SLITRK2: variants seen among roughly 807,000 people sequenced by gnomAD.
SLITRK2 encodes SLIT and NTRK like family member 2.
SLITRK2 carries 13 observed loss-of-function variants against 35.4 expected under a neutral mutation model. The observed-to-expected ratio is 0.37, with a 90% CI of 0.24 to 0.58. The LOEUF is 0.58. SLITRK2 is among the 20% of genes least tolerant of loss of function. The pLI, the probability that SLITRK2 is intolerant of heterozygous loss-of-function variation, is 0.75. For synonymous variants in SLITRK2, 294 were observed against 264.7 expected, an observed-to-expected ratio of 1.11 and a Z score of -1.07; for missense variants, 471 against 634.3, an observed-to-expected ratio of 0.74 and a Z score of 2.76.
Position 145,829,370 on chromosome X carries a change from C to T in SLITRK2, c.*4407C>T, listed in dbSNP as rs1330401520. 1 of 123,473 alleles carries T rather than the reference C, an allele frequency of 8.1e-6. No homozygotes were observed. The highest frequency in any genetic ancestry group is 1.9e-5 in the Non-Finnish European group (1 of 53,388). The allele number at this position is 123,473 out of a possible 1,213,427, so 10.2% of individuals were successfully genotyped here. A position where few individuals can be genotyped will look rare whatever the true frequency, so the allele number is the denominator to read the frequency against. The stretch of plus-strand genomic sequence containing the variant: ...TCGACTTTGCTTAAAACAGAGCCCA[C>T]CTGCATAGTAACTGTGTTTTGCCAA... On this transcript the variant is annotated 3_prime_UTR_variant, in exon 5 of 5. Transcript: ENST00000335565.
Position 145,822,546 on chromosome X carries a change from G to C in SLITRK2, c.121G>C (p.Val41Leu), listed in dbSNP as rs2073040792. The C allele has an allele frequency of 8.3e-7, 1 of 1,211,674 alleles. No individual in the cohort carries two copies. Among genetic ancestry groups the C allele is most frequent in the East Asian group, 3.0e-5 (1 of 33,811 alleles). Residue 41 changes from valine (V) to leucine (L), a missense_variant, in exon 5 of 5, where the codon GTA (valine) becomes CTA (leucine). Transcript: ENST00000335565. ...IRCLCEEKENVLNINCENKGF... is the reference protein window; with the variant it reads ...IRCLCEEKENLLNINCENKGF... ...CTGTCTGTGCGAAGAAAAGGAAAAC[G>C]TACTGAATATCAACTGTGAGAACAA...
At position 145,822,137 on chromosome X, in the gene SLITRK2, A is replaced by AC. The variant is rs1488507370; in HGVS notation, c.-54dup. The AC allele has an allele frequency of 4.7e-5, 14 of 295,782 alleles. No individual in the cohort carries two copies. Among genetic ancestry groups the AC allele is most frequent in the Middle Eastern group, 9.3e-4 (1 of 1,080 alleles). 24.4% of individuals were successfully genotyped at this position (295,782 alleles called of 1,213,427 possible). ...ACTAATGACTTGGCGGCTGGCTGCG[A>AC]CCCCCCGGGAAATCAGGTGCAAGCA... On this transcript the variant is annotated 5_prime_UTR_variant, in exon 4 of 5. The change creates a premature stop within an existing upstream ORF in the 5' untranslated region. Transcript: ENST00000335565.
Position 145,825,121 on chromosome X carries a change from T to C in SLITRK2, c.*158T>C. 1 of 534,538 alleles carries C rather than the reference T, an allele frequency of 1.9e-6. No individual in the cohort carries two copies. The highest frequency in any genetic ancestry group is 2.5e-5 in the African/African-American group (1 of 40,718). The allele number at this position is 534,538 out of a possible 1,213,427, so 44.1% of individuals were successfully genotyped here. A position where few individuals can be genotyped will look rare whatever the true frequency, so the allele number is the denominator to read the frequency against. ...AGATAGGATGAAGTCATGATTTTGC[T>C]TTTGCAAGTTTTCCTTTAAATTATT... is the stretch of plus-strand genomic sequence containing the variant. On this transcript the variant is annotated 3_prime_UTR_variant, in exon 5 of 5. Coordinates refer to ENST00000335565, the MANE Select transcript of SLITRK2 (RefSeq NM_032539.5).
Position 145,827,938 on chromosome X carries a change from A to C in SLITRK2, c.*2975A>C, listed in dbSNP as rs1238388225. The C allele has an allele frequency of 2.5e-6, 3 of 1,209,672 alleles. No homozygotes were observed. The highest frequency in any genetic ancestry group is 3.4e-6 in the Non-Finnish European group (3 of 895,141). ...AGACGTATGAGCATCAGCACAGCAA[A>C]ATGGTTCCAGCCTACAGAATGCAGT... is the stretch of plus-strand genomic sequence containing the variant. On this transcript the variant is annotated 3_prime_UTR_variant, in exon 5 of 5. Transcript: ENST00000335565.
intron 1 of SLITRK2, chrX:145,818,272 G>T (rs2124117990): frequency 8.8e-6 from 1 of 113,076 alleles, no homozygotes; most frequent in East Asian, 2.9e-4. Context: ...GGGTGGCACA[G>T]GCGGCCAGGG....
Position 145,823,961 on chromosome X carries a change from A to G in SLITRK2, c.1536A>G (p.Lys512=), listed in dbSNP as rs1048715156. 8 of 1,211,514 alleles carry G rather than the reference A, an allele frequency of 6.6e-6. No homozygotes were observed. The Admixed American group carries it at 1.1e-4, about 16-fold the overall frequency. The change falls in exon 5 of 5, where the codon AAA becomes AAG. Residue 512 remains lysine (K), a synonymous_variant. Coordinates refer to ENST00000335565, the MANE Select transcript of SLITRK2 (RefSeq NM_032539.5). The part of the protein sequence containing the change: ...RNNHFSHLPV[K]GVLDQLPAFI... ...ACCATTTTTCTCACCTGCCCGTGAA[A>G]GGGGTTCTGGATCAGCTCCCGGCTT... is the stretch of plus-strand genomic sequence containing the variant.
rs1440494605 is a variant in SLITRK2, at chrX:145,825,511, G to C, written c.*548G>C. 1 of 123,129 alleles carries C rather than the reference G, an allele frequency of 8.1e-6. No individual in the cohort carries two copies. Among genetic ancestry groups the C allele is most frequent in the Non-Finnish European group, 1.9e-5 (1 of 53,277 alleles). The allele number at this position is 123,129 out of a possible 1,213,427, so 10.1% of individuals were successfully genotyped here. A position where few individuals can be genotyped will look rare whatever the true frequency, so the allele number is the denominator to read the frequency against. ...CACTACTTTGTGTTAAAGTGCCTTC[G>C]CACTTTAAGTACATTACTTAAATGT... On this transcript the variant is annotated 3_prime_UTR_variant, in exon 5 of 5. Transcript: ENST00000335565.
At chrX:145,822,328 G>T in intron 4 of SLITRK2, 55 bp from the exon 5 acceptor site, 1 of 732,368 alleles carries the variant, frequency 1.4e-6, no homozygotes, top group South Asian at 2.8e-5. Flanking sequence ...TTTTAATCGG[G>T]CTTCCTTGTT....
rs1202960671 is a variant in SLITRK2, at chrX:145,823,811, T to C, written c.1386T>C (p.Ile462=). 2 of 1,210,157 alleles carry C rather than the reference T, an allele frequency of 1.7e-6. No homozygotes were observed. Among genetic ancestry groups the C allele is most frequent in the Non-Finnish European group, 2.2e-6 (2 of 894,565 alleles). The change falls in exon 5 of 5, where the codon ATT becomes ATC. Residue 462 remains isoleucine, a synonymous_variant. Coordinates refer to ENST00000335565, the MANE Select transcript of SLITRK2 (RefSeq NM_032539.5). ...TAGAGTATAATGTCATTAAGGAAAT[T>C]AAGCCTCTGACCTTTGATGCTTTGA... ...LYLEYNVIKE[I]KPLTFDALIN...
At chrX:145,818,196 C>T (rs1172160425) in intron 1 of SLITRK2, 170 bp downstream of exon 1, 1 of 111,652 alleles carries the variant, frequency 9.0e-6, no homozygotes, top group Non-Finnish European at 1.9e-5. Flanking sequence ...CCTCAATCCC[C>T]ACTGGAGATT....
chrX:145,829,813 T>C lies in SLITRK2; in HGVS notation c.*4850T>C, dbSNP rs1556946452. ...AAATGTCAAATGAAACAAGCTCTTGTGTAAATAGACTTCTGTGCCTAATAG... is the reference window on the plus strand; with the variant it reads ...AAATGTCAAATGAAACAAGCTCTTGCGTAAATAGACTTCTGTGCCTAATAG... On this transcript the variant is annotated 3_prime_UTR_variant, in exon 5 of 5. Transcript: ENST00000335565. The C allele has an allele frequency of 8.1e-6, 1 of 123,853 alleles. No individual in the cohort carries two copies. The allele number at this position is 123,853 out of a possible 1,213,427, so 10.2% of individuals were successfully genotyped here.
Position 145,828,066 on chromosome X carries a change from C to G in SLITRK2, c.*3103C>G, listed in dbSNP as rs2073142739. Reference sequence around the variant, plus strand: ...TCTTAATTAGTTGCTTTCACTATTTCCGAATATACCTGTGGCTAAGTTTTT... The same window carrying G: ...TCTTAATTAGTTGCTTTCACTATTTGCGAATATACCTGTGGCTAAGTTTTT... On this transcript the variant is annotated 3_prime_UTR_variant, in exon 5 of 5. Transcript: ENST00000335565. 6.9e-6 allele frequency: 7 copies of G among 1,016,314 alleles called. No individual in the cohort carries two copies. The Admixed American group carries it at 2.5e-4, about 36-fold the overall frequency. The allele number at this position is 1,016,314 out of a possible 1,213,427, so 83.8% of individuals were successfully genotyped here. A position where few individuals can be genotyped will look rare whatever the true frequency, so the allele number is the denominator to read the frequency against.
At position 145,826,190 on chromosome X, in the gene SLITRK2, A is replaced by C. The variant is rs1300922017; in HGVS notation, c.*1227A>C. The C allele has an allele frequency of 9.0e-6, 1 of 111,559 alleles. No individual in the cohort carries two copies. The highest frequency in any genetic ancestry group is 2.8e-4 in the East Asian group (1 of 3,522). 9.2% of individuals were successfully genotyped at this position (111,559 alleles called of 1,213,427 possible). A position where few individuals can be genotyped will look rare whatever the true frequency, so the allele number is the denominator to read the frequency against. ...CCCAAGTAAGTTCTCTGCAAAATTC[A>C]AGGTAGCAGAGATAAAAATGTATCC... is the stretch of plus-strand genomic sequence containing the variant. On this transcript the variant is annotated 3_prime_UTR_variant, in exon 5 of 5. Coordinates refer to ENST00000335565, the MANE Select transcript of SLITRK2 (RefSeq NM_032539.5).
rs782684641 is a variant in SLITRK2 at position 145,824,228 on chromosome X, G to A, written c.1803G>A (p.Ser601=). The change falls in exon 5 of 5, where the codon TCG becomes TCA. Residue 601 remains serine (S), a synonymous_variant. Transcript: ENST00000335565. ...ATCACAATACAGACACACCTCGGTC[G>A]CTTAGTGTGTCTCCTAGTTCCTATC... is the stretch of plus-strand genomic sequence containing the variant. ...SMNHNTDTPR[S]LSVSPSSYPE... The A allele has an allele frequency of 1.6e-5, 19 of 1,210,980 alleles. No individual in the cohort carries two copies. Among genetic ancestry groups the A allele is most frequent in the South Asian group, 1.2e-4 (7 of 56,881 alleles).
chrX:145,829,719 T>C lies in SLITRK2; in HGVS notation c.*4756T>C, dbSNP rs2073156961. The C allele has an allele frequency of 8.1e-6, 1 of 123,925 alleles. No homozygotes were observed. The highest frequency in any genetic ancestry group is 9.4e-5 in the Admixed American group (1 of 10,614). 10.2% of individuals were successfully genotyped at this position (123,925 alleles called of 1,213,427 possible). A position where few individuals can be genotyped will look rare whatever the true frequency, so the allele number is the denominator to read the frequency against. On this transcript the variant is annotated 3_prime_UTR_variant, in exon 5 of 5. Transcript: ENST00000335565. ...ATGTTGAAATTTTTTAGCAGTACTTTAGCTTGAAAGTACTCGTACAAATAC... is the reference window on the plus strand; with the variant it reads ...ATGTTGAAATTTTTTAGCAGTACTTCAGCTTGAAAGTACTCGTACAAATAC...
rs1603142046 is a variant in SLITRK2, at chrX:145,824,648, G to A, written c.2223G>A (p.Glu741=). The A allele has an allele frequency of 8.3e-7, 1 of 1,209,405 alleles. No individual in the cohort carries two copies. The highest frequency in any genetic ancestry group is 2.3e-4 in the Middle Eastern group (1 of 4,352). ...CTGCTTACACAATAAGTGCCACTGAGCTGCTAGAAAAGCAGGCCACACCAA... is the reference window on the plus strand; with the variant it reads ...CTGCTTACACAATAAGTGCCACTGAACTGCTAGAAAAGCAGGCCACACCAA... ...ATPAYTISAT[E]LLEKQATPRE... Residue 741 remains glutamate (E), a synonymous_variant, in exon 5 of 5, where the codon GAG becomes GAA. Transcript: ENST00000335565.
At chrX:145,821,121 T>TCTCACACACACACACA (rs1556943065) in intron 2 of SLITRK2, 2 of 43,839 alleles carry the variant, frequency 4.6e-5, no homozygotes, top group African/African-American at 1.4e-4. Context: ...TCTCTCTCTC[T>TCTCACACACACACACA]CACTCACACA....
At chrX:145,819,957 A>C (rs2124127904) in intron 1 of SLITRK2, 1 of 112,088 alleles carries the variant, frequency 8.9e-6, no homozygotes, top group Admixed American at 9.4e-5. Context: ...CTAGTGCCTA[A>C]GTTTATAAAC....
Position 145,823,907 on chromosome X carries a change from G to A in SLITRK2, c.1482G>A (p.Thr494=), listed in dbSNP as rs781908643. ...TACCTGATAATATATTTGGGGGGAC[G>A]GCCCTAACCAGGCTGAATCTGAGAA... is the stretch of plus-strand genomic sequence containing the variant. The part of the protein sequence containing the change: ...RSLPDNIFGG[T]ALTRLNLRNN... Residue 494 remains threonine, a synonymous_variant, in exon 5 of 5, where the codon ACG becomes ACA. Transcript: ENST00000335565. 14 of 1,210,900 alleles carry A rather than the reference G, an allele frequency of 1.2e-5. No homozygotes were observed. Among genetic ancestry groups the A allele is most frequent in the African/African-American group, 1.7e-5 (1 of 57,660 alleles).
Sources: allele counts gnomAD v4.1 joint callset, GRCh38; gene constraint gnomAD v4.1.1; transcripts MANE v1.5; gene names NCBI Gene and HGNC (gene_info 2026-07-23, HGNC 2026-07-21).